DLG5: variants seen among roughly 807,000 people sequenced by gnomAD.
The protein encoded by DLG5 is discs large MAGUK scaffold protein 5.
Under a neutral mutation model 189.8 loss-of-function variants are expected in DLG5, and 48 were observed. That is an observed-to-expected ratio of 0.25 (90% CI 0.20 to 0.32). The LOEUF (loss-of-function observed/expected upper bound fraction) is 0.32. Ranked by LOEUF, DLG5 falls within the 10% of genes least tolerant of loss-of-function variation. DLG5 has a pLI of 1.00. For synonymous variants in DLG5, 1,016 were observed against 1,054.1 expected (o/e 0.96, Z 0.70); for missense variants, 2,160 against 2,544.7 (o/e 0.85, Z 3.25).
intron 6 of DLG5, among the ~76,000 whole-genome samples, chr10:77,843,238 C>T (rs975957847): frequency 3.1e-4 from 47 of 152,232 alleles, no homozygotes; most frequent in Non-Finnish European, 5.0e-4. Flanking sequence ...GAATGGTGTC[C>T]GTGAACCCGA....
At chr10:77,842,329 C>A (rs1843463994) in intron 6 of DLG5, 136 bp from the exon 7 acceptor site, 1 of 1,078,228 alleles carries the variant, frequency 9.3e-7, no homozygotes, top group East Asian at 2.5e-5. Context: ...ACTCTCTCCA[C>A]CCCCAGGAGA....
At chr10:77,792,600 G>A in intron 31 of DLG5, 57 bp from the exon 32 acceptor site, 2 of 1,531,554 alleles carry the variant, frequency 1.3e-6, no homozygotes, top group African/African-American at 1.4e-5. Context: ...CCAGGTTTGA[G>A]GCAAGGCAGT....
In DLG5 at chr10:77,926,469, G is replaced by C; in HGVS notation, c.52C>G (p.Gln18Glu). 6.6e-7 allele frequency: 1 copy of C among 1,517,948 alleles called. No individual in the cohort carries two copies. Among genetic ancestry groups the C allele is most frequent in the East Asian group, 2.6e-5 (1 of 37,776 alleles). 94.0% of individuals were successfully genotyped at this position (1,517,948 alleles called of 1,614,324 possible). A position where few individuals can be genotyped will look rare whatever the true frequency, so the allele number is the denominator to read the frequency against. ...ACGGCTTCCACCTCCGTCATGGCCT[G>C]GGCCAGGCTCTGCTGACACTGGGCG... The part of the protein sequence containing the change: ...LLAQCQQSLA[Q>E]AMTEVEAVLG... Residue 18 changes from glutamine (Q) to glutamate (E), a missense_variant, in exon 1 of 32, where the codon CAG becomes GAG. Transcript: ENST00000372391. The surrounding 1 kb of genome is among the most constrained non-coding windows in gnomAD (Gnocchi z 5.2).
At chr10:77,892,439 C>T (rs987914901) in intron 1 of DLG5, among the ~76,000 whole-genome samples, 1 of 152,214 alleles carries the variant, frequency 6.6e-6, no homozygotes, top group African/African-American at 2.4e-5. Context: ...TTGGTTGACA[C>T]TAGATGTGTT....
intron 1 of DLG5, among the ~76,000 whole-genome samples, chr10:77,902,791 C>T (rs1231113833): frequency 2.6e-5 from 4 of 151,708 alleles, no homozygotes; most frequent in Admixed American, 6.6e-5. Context: ...ACCCAGCAGG[C>T]GGAGCTTGCA....
intron 27 of DLG5, among the ~76,000 whole-genome samples, chr10:77,802,520 G>A (rs527247017): frequency 6.6e-6 from 1 of 152,354 alleles, no homozygotes; most frequent in African/African-American, 2.4e-5. Flanking sequence ...AATGTAAAAG[G>A]CAAAAACCGA....
intron 27 of DLG5, among the ~76,000 whole-genome samples, chr10:77,798,131 G>A (rs1251889607): frequency 6.6e-6 from 1 of 152,146 alleles, no homozygotes; most frequent in Non-Finnish European, 1.5e-5. Context: ...AGGTTGCAGT[G>A]AGCCGAGACT....
intron 1 of DLG5, among the ~76,000 whole-genome samples, chr10:77,880,537 C>T (rs1845246482): frequency 6.6e-6 from 1 of 152,102 alleles, no homozygotes; most frequent in African/African-American, 2.4e-5. Flanking sequence ...CAGATATGCC[C>T]ATGTTGCTTA....
At chr10:77,805,542 C>T (rs1445140660) in intron 27 of DLG5, 123 bp downstream of exon 27, 1 of 1,167,246 alleles carries the variant, frequency 8.6e-7, no homozygotes, top group Non-Finnish European at 1.2e-6. Context: ...GAACACACAC[C>T]TTCAGACTTG....
Position 77,841,895 on chromosome 10 carries a change from C to G in DLG5, c.1423G>C (p.Glu475Gln). Residue 475 changes from glutamate to glutamine, a missense_variant, in exon 7 of 32, where the codon GAG becomes CAG. This residue lies in a region of DLG5 where 664 missense variants were observed against 838.5 expected (regional missense o/e 0.79). Coordinates refer to ENST00000372391, the MANE Select transcript of DLG5 (RefSeq NM_004747.4). ...SEKKAANEEMEALRQIKDTVT... is the reference protein window; with the variant it reads ...SEKKAANEEMQALRQIKDTVT... ...CACCCACCTACCTGCCGCAGCGCCT[C>G]CATCTCCTCATTGGCCGCCTTCTTC... is the stretch of plus-strand genomic sequence containing the variant. 6.2e-7 allele frequency: 1 copy of G among 1,609,194 alleles called. No homozygotes were observed. Among genetic ancestry groups the G allele is most frequent in the Non-Finnish European group, 8.5e-7 (1 of 1,176,352 alleles).
upstream of DLG5, among the ~76,000 whole-genome samples, chr10:77,930,358 T>C (rs1456066779): frequency 6.6e-6 from 1 of 152,102 alleles, no homozygotes; most frequent in African/African-American, 2.4e-5. Context: ...ATTTTATTTG[T>C]TTTTCTGGAG....
chr10:77,911,910 A>G (rs1296216665), intron 1 of DLG5, among the ~76,000 whole-genome samples: 4 of 152,000 alleles, frequency 2.6e-5, no homozygotes, highest in Non-Finnish European at 5.9e-5. Context: ...AAAAAAAAAA[A>G]AAAACAGGCT....
chr10:77,917,636 C>T (rs1363735011), intron 1 of DLG5, among the ~76,000 whole-genome samples: 3 of 151,988 alleles, frequency 2.0e-5, no homozygotes, highest in Non-Finnish European at 2.9e-5. Context: ...GTCTAGGGGG[C>T]CATGTAGTTA....
Position 77,795,810 on chromosome 10 carries a change from C to A in DLG5, c.5436+251G>T, listed in dbSNP as rs557076398. Reference sequence around the variant, plus strand: ...CTCATCAGAGATGAGACCCCCCGCACCTGCCAGAGAGGAAGATGGGGCGGC... The same window carrying A: ...CTCATCAGAGATGAGACCCCCCGCAACTGCCAGAGAGGAAGATGGGGCGGC... On this transcript the variant is annotated intron_variant, in intron 29 of 31. Coordinates refer to ENST00000372391, the MANE Select transcript of DLG5 (RefSeq NM_004747.4). Among the ~76,000 whole-genome samples the A allele has an allele frequency of 2.0e-5, 3 of 152,314 alleles. No individual in the cohort carries two copies. The South Asian group carries it at 6.2e-4, about 32-fold the overall frequency.
intron 1 of DLG5, among the ~76,000 whole-genome samples, chr10:77,913,714 G>A (rs1447164616): frequency 1.3e-5 from 2 of 151,982 alleles, no homozygotes; most frequent in African/African-American, 2.4e-5. Context: ...TCAGCCTCCC[G>A]AATAGCTGGG....
chr10:77,878,361 G>A (rs1027824618), intron 1 of DLG5, among the ~76,000 whole-genome samples: 8 of 152,206 alleles, frequency 5.3e-5, no homozygotes, highest in African/African-American at 1.9e-4. Context: ...GAGAGGGAAA[G>A]CCCTTAGAAC....
At chr10:77,848,886 AT>A (rs964052136) in intron 5 of DLG5, among the ~76,000 whole-genome samples, 7 of 152,088 alleles carry the variant, frequency 4.6e-5, no homozygotes, top group Non-Finnish European at 2.9e-5. Context: ...TTGGTTGAAG[AT>A]TTTTTTTCTA....
rs1234338791 is a variant in DLG5, at chr10:77,926,695, G to A, written c.-175C>T. Reference sequence around the variant, plus strand: ...GGCCCGGGGCGGCGGGCGGCGCTCAGCAGCGGCCGCCTCCCGGGCTCCGGA... The same window carrying A: ...GGCCCGGGGCGGCGGGCGGCGCTCAACAGCGGCCGCCTCCCGGGCTCCGGA... On this transcript the variant is annotated 5_prime_UTR_variant, in exon 1 of 32. Transcript: ENST00000372391. This position sits in a 1 kb window ranked among gnomAD's most constrained non-coding sequence, Gnocchi z 5.2. Among the ~76,000 whole-genome samples, 2 of 149,964 alleles carry A rather than the reference G, an allele frequency of 1.3e-5. No homozygotes were observed. The highest frequency in any genetic ancestry group is 6.6e-5 in the Admixed American group (1 of 15,068).
At chr10:77,808,059 G>A in intron 24 of DLG5, 115 bp from the exon 25 acceptor site, 1 of 1,282,522 alleles carries the variant, frequency 7.8e-7, no homozygotes, top group Non-Finnish European at 1.1e-6. Context: ...CCTTAACTGA[G>A]ACTCTGGCTA....
Sources: allele counts gnomAD v4.1 joint callset (sites outside exome capture counted in the v4.1 genomes callset), GRCh38; gene constraint gnomAD v4.1.1; regional missense constraint gnomAD v4.1.1; non-coding constraint Gnocchi (gnomAD v3.1); transcripts MANE v1.5; gene names NCBI Gene and HGNC (gene_info 2026-07-23, HGNC 2026-07-21).